NCALD: variants seen among roughly 807,000 people sequenced by gnomAD.
The protein encoded by NCALD is neurocalcin-delta.
In NCALD, 10 loss-of-function variants were observed where a neutral mutation model predicts 18.6. The ratio of observed to expected loss-of-function variants is 0.54; its 90% CI spans 0.33 to 0.91. The LOEUF (loss-of-function observed/expected upper bound fraction) is 0.91. NCALD is among the 40% of genes least tolerant of loss of function. The probability of loss-of-function intolerance (pLI) is 0.03; values close to 1 mark genes in which losing one functional copy is unlikely to be tolerated. For missense variants in NCALD, 184 were observed against 247.6 expected (o/e 0.74, Z 1.72); for synonymous variants, 88 against 87.4 (o/e 1.01, Z -0.04).
chr8:101,737,876 G>A (rs187096636), intron 1 of NCALD, among the ~76,000 whole-genome samples: 23 of 152,286 alleles, frequency 1.5e-4, no homozygotes, highest in East Asian at 5.8e-4. Context: ...CATCTATTTC[G>A]TATTGACTGT....
intron 2 of NCALD, among the ~76,000 whole-genome samples, chr8:101,709,867 G>C (rs1212938475): frequency 6.6e-6 from 1 of 151,980 alleles, no homozygotes. Flanking sequence ...GAAAGGTCAG[G>C]GTTCTGATCT....
chr8:102,110,534 G>A (rs1474205179), intron 1 of NCALD, among the ~76,000 whole-genome samples: 1 of 152,120 alleles, frequency 6.6e-6, no homozygotes, highest in Non-Finnish European at 1.5e-5. Context: ...TTCTTGGCCA[G>A]TTATGATGTG....
chr8:102,040,987 C>T (rs1823031333), intron 1 of NCALD, among the ~76,000 whole-genome samples: 1 of 152,100 alleles, frequency 6.6e-6, no homozygotes, highest in Non-Finnish European at 1.5e-5. Flanking sequence ...GGTGTATTTT[C>T]CCAGTGCAAT....
At chr8:101,821,307 T>C (rs1813708358) in intron 4 of NCALD, among the ~76,000 whole-genome samples, 1 of 152,250 alleles carries the variant, frequency 6.6e-6, no homozygotes, top group Admixed American at 6.5e-5. Flanking sequence ...CAGGTAGTTA[T>C]TAAGCATTTA....
At chr8:101,990,264 G>T (rs922482439) in intron 2 of NCALD, among the ~76,000 whole-genome samples, 13 of 152,218 alleles carry the variant, frequency 8.5e-5, no homozygotes, top group Non-Finnish European at 1.9e-4. Context: ...ATAGCCTTGA[G>T]AGAGAAATTA....
At chr8:101,868,512 C>A (rs545600011) in intron 4 of NCALD, among the ~76,000 whole-genome samples, 19 of 152,184 alleles carry the variant, frequency 1.2e-4, no homozygotes, top group Non-Finnish European at 2.6e-4. Context: ...TGCAAACCTC[C>A]CCCATTTCTG....
At chr8:101,856,230 G>T (rs987095869) in intron 4 of NCALD, among the ~76,000 whole-genome samples, 42 of 152,146 alleles carry the variant, frequency 2.8e-4, no homozygotes, top group African/African-American at 1.0e-3. Flanking sequence ...GGAGTGCAAT[G>T]GTGTAATCTT....
At chr8:101,855,100 G>A (rs1815254302) in intron 4 of NCALD, among the ~76,000 whole-genome samples, 1 of 152,088 alleles carries the variant, frequency 6.6e-6, no homozygotes, top group Admixed American at 6.6e-5. Flanking sequence ...GAAGACACGT[G>A]GAAACAAGCA....
intron 4 of NCALD, among the ~76,000 whole-genome samples, chr8:101,797,659 T>A (rs1165692584): frequency 6.6e-6 from 1 of 151,866 alleles, no homozygotes; most frequent in Non-Finnish European, 1.5e-5. Context: ...TTACTAAAAA[T>A]ACAAAAATTA....
intron 2 of NCALD, chr8:101,950,222 A>T (rs1169418960): frequency 5.2e-5 from 8 of 152,390 alleles, no homozygotes; most frequent in Non-Finnish European, 1.0e-4. Context: ...TGGAAGCTGG[A>T]AAGCAGATGG....
intron 4 of NCALD, chr8:101,872,579 C>T: frequency 3.5e-6 from 2 of 576,106 alleles, no homozygotes; most frequent in Admixed American, 5.8e-5. Flanking sequence ...GCCAATCGTG[C>T]TGGGGAATTC....
chr8:101,784,330 A>G (rs1812135008), intron 1 of NCALD, among the ~76,000 whole-genome samples: 1 of 152,138 alleles, frequency 6.6e-6, no homozygotes, highest in Admixed American at 6.5e-5. Flanking sequence ...GGAAAATGTC[A>G]AGAAGAAAAA....
intron 1 of NCALD, among the ~76,000 whole-genome samples, chr8:102,108,020 T>C (rs1274876714): frequency 6.6e-6 from 1 of 151,756 alleles, no homozygotes; most frequent in African/African-American, 2.4e-5. Flanking sequence ...CTGCTCCTGG[T>C]CCCCACTTGG....
At chr8:101,987,925 C>T (rs1820876869) in intron 2 of NCALD, among the ~76,000 whole-genome samples, 1 of 152,058 alleles carries the variant, frequency 6.6e-6, no homozygotes, top group Non-Finnish European at 1.5e-5. Flanking sequence ...GAGGCCGAGG[C>T]GGGCGGATCA....
intron 4 of NCALD, among the ~76,000 whole-genome samples, chr8:101,867,914 C>T (rs1391503077): frequency 6.6e-6 from 1 of 152,176 alleles, no homozygotes; most frequent in Non-Finnish European, 1.5e-5. Context: ...AACCAGGGGT[C>T]AGTTGCAAAT....
intron 4 of NCALD, among the ~76,000 whole-genome samples, chr8:101,851,526 T>C (rs544052305): frequency 2.0e-5 from 3 of 152,268 alleles, no homozygotes; most frequent in Admixed American, 2.0e-4. Flanking sequence ...TAAATAAATA[T>C]ACTGAAAATT....
intron 3 of NCALD, 109 bp downstream of exon 3, chr8:101,692,682 G>T: frequency 7.1e-7 from 1 of 1,405,166 alleles, no homozygotes; most frequent in Non-Finnish European, 9.6e-7. Flanking sequence ...GAGGCTTGGA[G>T]GATGAGCCGC....
chr8:102,087,114 C>A (rs530830106), intron 1 of NCALD, among the ~76,000 whole-genome samples: 1 of 152,342 alleles, frequency 6.6e-6, no homozygotes, highest in South Asian at 2.1e-4. Context: ...TTCTTCATTT[C>A]TTTACTTTCC....
intron 1 of NCALD, among the ~76,000 whole-genome samples, chr8:101,784,171 G>A (rs981621599): frequency 5.3e-5 from 8 of 152,204 alleles, no homozygotes; most frequent in Non-Finnish European, 7.4e-5. Context: ...GACCGGGCCT[G>A]GAGTCATCTG....
Sources: gnomAD v4.1 joint callset for allele counts (sites outside exome capture counted in the v4.1 genomes callset) on GRCh38, gnomAD v4.1.1 for gene constraint, MANE v1.5 for transcripts, NCBI Gene and HGNC (gene_info 2026-07-23, HGNC 2026-07-21) for gene names.